ZNF24: variants seen among roughly 807,000 people sequenced by gnomAD.
ZNF24 encodes retinoic acid suppression protein A.
ZNF24 carries 11 observed loss-of-function variants against 40.9 expected under a neutral mutation model. The ratio of observed to expected loss-of-function variants is 0.27; its 90% CI spans 0.17 to 0.45. The LOEUF is 0.45. Among genes scored for constraint, ZNF24 ranks in the 20% least tolerant of loss-of-function variants. The pLI is 1.00. For synonymous variants in ZNF24, 139 were observed against 154.7 expected (o/e 0.90, Z 0.75); for missense variants, 293 against 437.7 (o/e 0.67, Z 2.95).
chr18:35,340,559 T>A lies in ZNF24; in HGVS notation c.92A>T (p.Asp31Val), dbSNP rs1417735032. Residue 31 changes from aspartate to valine, a missense_variant, in exon 2 of 4, where the codon GAT becomes GTT. By Grantham distance (152) the Asp-to-Val change is radical. Around this residue, in one of 2 missense-constraint regions of ZNF24, gnomAD observed 234 missense variants for 299.2 expected, o/e 0.78. Coordinates refer to ENST00000261332, the MANE Select transcript of ZNF24 (RefSeq NM_006965.4). This position sits in a 1 kb window ranked among gnomAD's most constrained non-coding sequence, Gnocchi z 4.6. Reference sequence around the variant, plus strand: ...ACTTGATCCCTCTTCGCCATCAGGATCCTCCTCCAACTTCACTCTCAGAAT... The same window carrying A: ...ACTTGATCCCTCTTCGCCATCAGGAACCTCCTCCAACTTCACTCTCAGAAT... Reference protein sequence around the residue: ...EKILRVKLEEDPDGEEGSSIP... With the variant: ...EKILRVKLEEVPDGEEGSSIP... 3 of 1,614,220 alleles carry A rather than the reference T, an allele frequency of 1.9e-6. No individual in the cohort carries two copies. The highest frequency in any genetic ancestry group is 3.3e-5 in the Admixed American group (2 of 60,026).
intron 3 of ZNF24, chr18:35,338,730 G>T: frequency 1.7e-6 from 2 of 1,180,080 alleles, no homozygotes; most frequent in Non-Finnish European, 2.1e-6. Flanking sequence ...AAACAGAGGA[G>T]CGTGAAGATT....
At chr18:35,343,147 CATA>C (rs1459612063) in intron 1 of ZNF24, among the ~76,000 whole-genome samples, 7 of 152,136 alleles carry the variant, frequency 4.6e-5, no homozygotes, top group Admixed American at 4.6e-4. Flanking sequence ...TAGCAGATCA[CATA>C]ATATTGAAAA....
intron 1 of ZNF24, chr18:35,342,744 C>G (rs1198395118): frequency 1.3e-5 from 2 of 152,214 alleles, no homozygotes; most frequent in Non-Finnish European, 2.9e-5. Context: ...TGTGCAAGTA[C>G]ATTCTATGAC....
intron 3 of ZNF24, chr18:35,338,289 G>A: frequency 2.0e-6 from 2 of 985,512 alleles, no homozygotes; most frequent in Non-Finnish European, 2.4e-6. Context: ...CAGGAGTCTT[G>A]ACAAGAAGGG....
Position 35,336,439 on chromosome 18 carries a change from A to G in ZNF24, c.*793T>C, listed in dbSNP as rs779511645. 1.3e-5 allele frequency: 2 copies of G among 152,234 alleles called. No homozygotes were observed. The highest frequency in any genetic ancestry group is 2.9e-5 in the Non-Finnish European group (2 of 68,046). 9.4% of individuals were successfully genotyped at this position (152,234 alleles called of 1,614,324 possible). A position where few individuals can be genotyped will look rare whatever the true frequency, so the allele number is the denominator to read the frequency against. On this transcript the variant is annotated 3_prime_UTR_variant, in exon 4 of 4. Transcript: ENST00000261332. ...CCGCTACAAATTTTTCCCTAGTGTT[A>G]TAATTTCTACCTTCATTATTTTACA...
rs1598687380 is a variant in ZNF24 at position 35,340,049 on chromosome 18, C to G, written c.421-73G>C. The G allele has an allele frequency of 6.5e-7, 1 of 1,542,368 alleles. No individual in the cohort carries two copies. Among genetic ancestry groups the G allele is most frequent in the Non-Finnish European group, 8.8e-7 (1 of 1,134,348 alleles). On this transcript the variant is annotated intron_variant, in intron 2 of 3. Coordinates refer to ENST00000261332, the MANE Select transcript of ZNF24 (RefSeq NM_006965.4). This position sits in a 1 kb window ranked among gnomAD's most constrained non-coding sequence, Gnocchi z 4.6. ...AGAACTAAAAACACGTAAGAGAAAC[C>G]CCATGAAACAAATACTGCAGAAGCC...
intron 3 of ZNF24, among the ~76,000 whole-genome samples, 155 bp downstream of exon 3, chr18:35,339,674 G>T (rs2044946677): frequency 6.6e-6 from 1 of 152,158 alleles, no homozygotes; most frequent in Non-Finnish European, 1.5e-5. Flanking sequence ...AGGAATAAAA[G>T]GTCTGAGGCC....
chr18:35,339,786 ACT>A lies in ZNF24; in HGVS notation c.568+41_568+42del, dbSNP rs764455384. Reference sequence around the variant, plus strand: ...GCAAAGTTCTGAACAAAAGGCCTATACTCTCTTTCACCCTCTAGCCCACACAG... The same window carrying A: ...GCAAAGTTCTGAACAAAAGGCCTATACTCTTTCACCCTCTAGCCCACACAG... On this transcript the variant is annotated intron_variant, in intron 3 of 3. Transcript: ENST00000261332. 6.9e-4 allele frequency: 1,057 copies of A among 1,535,000 alleles called. 3 individuals carry two copies. The highest frequency in any genetic ancestry group is 5.8e-4 in the Non-Finnish European group (661 of 1,136,722).
Position 35,337,137 on chromosome 18 carries a change from G to T in ZNF24, c.*95C>A. ...AGTGGATTTTCTGACAGTCAATAGG[G>T]AAAAAACTATTCTGCATCATTTCAT... On this transcript the variant is annotated 3_prime_UTR_variant, in exon 4 of 4. Coordinates refer to ENST00000261332, the MANE Select transcript of ZNF24 (RefSeq NM_006965.4). 9.5e-7 allele frequency: 1 copy of T among 1,052,090 alleles called. No homozygotes were observed. The highest frequency in any genetic ancestry group is 2.8e-5 in the East Asian group (1 of 36,070). 65.2% of individuals were successfully genotyped at this position (1,052,090 alleles called of 1,614,324 possible).
chr18:35,333,421 G>A lies in ZNF24; in HGVS notation c.*3811C>T, dbSNP rs1240530093. The A allele has an allele frequency of 6.6e-6, 1 of 152,106 alleles. No individual in the cohort carries two copies. Among genetic ancestry groups the A allele is most frequent in the African/African-American group, 2.4e-5 (1 of 41,404 alleles). The allele number at this position is 152,106 out of a possible 1,614,324, so 9.4% of individuals were successfully genotyped here. On this transcript the variant is annotated 3_prime_UTR_variant, in exon 4 of 4. Transcript: ENST00000261332. Reference sequence around the variant, plus strand: ...AAGTGGAATGTGATTGGTAGCATTGGAGAAAAGGGTCTCTCTATTCAAAGA... The same window carrying A: ...AAGTGGAATGTGATTGGTAGCATTGAAGAAAAGGGTCTCTCTATTCAAAGA...
intron 3 of ZNF24, chr18:35,338,594 G>T (rs2044934221): frequency 1.0e-6 from 1 of 990,812 alleles, no homozygotes; most frequent in South Asian, 4.6e-5. Flanking sequence ...GTTCATATAG[G>T]GTTAGCAACT....
chr18:35,340,033 A>C lies in ZNF24; in HGVS notation c.421-57T>G. ...AACTGTAATGAGAATCAGAACTAAA[A>C]ACACGTAAGAGAAACCCCATGAAAC... On this transcript the variant is annotated intron_variant, in intron 2 of 3. Transcript: ENST00000261332. The surrounding 1 kb of genome is among the most constrained non-coding windows in gnomAD (Gnocchi z 4.6). 2 of 1,567,262 alleles carry C rather than the reference A, an allele frequency of 1.3e-6. No homozygotes were observed. Among genetic ancestry groups the C allele is most frequent in the South Asian group, 2.3e-5 (2 of 86,030 alleles).
At chr18:35,341,920 G>A (rs1466911613) in intron 1 of ZNF24, among the ~76,000 whole-genome samples, 3 of 152,034 alleles carry the variant, frequency 2.0e-5, no homozygotes, top group South Asian at 2.1e-4. Context: ...AAGCTGTGCC[G>A]GGCACGGTGG....
At chr18:35,342,698 T>C (rs2044980776) in intron 1 of ZNF24, 1 of 152,232 alleles carries the variant, frequency 6.6e-6, no homozygotes, top group Non-Finnish European at 1.5e-5. Context: ...CTATACCAGA[T>C]AGCCTAAGTG....
chr18:35,338,529 G>T, intron 3 of ZNF24: 1 of 985,950 alleles, frequency 1.0e-6, no homozygotes, highest in Non-Finnish European at 1.2e-6. Context: ...AGAGATAACA[G>T]CAAGTGTCAT....
At chr18:35,337,801 C>A (rs753254689) in intron 3 of ZNF24, 31 bp from the exon 4 acceptor site, 2 of 1,495,798 alleles carry the variant, frequency 1.3e-6, no homozygotes, top group South Asian at 1.3e-5. Flanking sequence ...AAATATCATT[C>A]ATTATCTATT....
intron 3 of ZNF24, among the ~76,000 whole-genome samples, chr18:35,339,615 T>C (rs2044945829): frequency 1.3e-5 from 2 of 152,130 alleles, no homozygotes; most frequent in South Asian, 4.1e-4. Context: ...GGCAACTCTT[T>C]TTAGGAAGGA....
chr18:35,339,290 C>T (rs2044942442), intron 3 of ZNF24, among the ~76,000 whole-genome samples: 1 of 152,006 alleles, frequency 6.6e-6, no homozygotes, highest in Non-Finnish European at 1.5e-5. Flanking sequence ...GCTAAGGAGG[C>T]TTTTTTTGCA....
chr18:35,341,812 A>G (rs977050063), intron 1 of ZNF24, among the ~76,000 whole-genome samples: 29 of 152,188 alleles, frequency 1.9e-4, no homozygotes, highest in Non-Finnish European at 3.8e-4. Flanking sequence ...AAAGACCAGG[A>G]GTTCAAGGCT....
Sources: allele counts gnomAD v4.1 joint callset (sites outside exome capture counted in the v4.1 genomes callset), GRCh38; gene constraint gnomAD v4.1.1; regional missense constraint gnomAD v4.1.1; non-coding constraint Gnocchi (gnomAD v3.1); transcripts MANE v1.5; gene names NCBI Gene and HGNC (gene_info 2026-07-23, HGNC 2026-07-21).